Variants in SPAG16 observed in about 807,000 individuals in gnomAD.
SPAG16 encodes sperm-associated antigen 16 protein.
In SPAG16, 86 loss-of-function variants were observed where a neutral mutation model predicts 80.4. The observed-to-expected ratio is 1.07, with a 90% CI of 0.90 to 1.28. SPAG16 has a LOEUF of 1.28. SPAG16 is among the 50% of genes most tolerant of loss of function. The pLI, the probability that SPAG16 is intolerant of heterozygous loss-of-function variation, is 0.00. For missense variants in SPAG16, 870 were observed against 765.3 expected, an observed-to-expected ratio of 1.14 and a Z score of -1.61; for synonymous variants, 294 against 265.9, an observed-to-expected ratio of 1.11 and a Z score of -1.03.
intron 15 of SPAG16, among the ~76,000 whole-genome samples, chr2:214,165,234 A>G (rs1378794277): frequency 6.6e-6 from 1 of 152,054 alleles, no homozygotes; most frequent in African/African-American, 2.4e-5. Flanking sequence ...CTATTATATC[A>G]GTGAGAATTT....
rs576996284 is a variant in SPAG16 at position 213,810,798 on chromosome 2, G to A, written c.1071-51687G>A. Among the ~76,000 whole-genome samples the A allele has an allele frequency of 1.8e-4, 28 of 152,300 alleles. 1 individual carries two copies. Among genetic ancestry groups the A allele is most frequent in the African/African-American group, 6.3e-4 (26 of 41,572 alleles). The stretch of plus-strand genomic sequence containing the variant: ...TTTTGATATTGGTCTAAGTTATTTG[G>A]TTGCAGAACTGGCTGAGGGTCTCAG... On this transcript the variant is annotated intron_variant, in intron 10 of 15. Transcript: ENST00000331683.
At chr2:213,342,019 A>G (rs2064710462) in intron 6 of SPAG16, among the ~76,000 whole-genome samples, 1 of 152,098 alleles carries the variant, frequency 6.6e-6, no homozygotes, top group Non-Finnish European at 1.5e-5. Flanking sequence ...TCCTTGTTAT[A>G]TTCCAGTGAA....
At chr2:214,141,282 C>T (rs763807371) in intron 14 of SPAG16, among the ~76,000 whole-genome samples, 5 of 151,960 alleles carry the variant, frequency 3.3e-5, no homozygotes, top group African/African-American at 4.8e-5. Context: ...TCCTTGCCAA[C>T]ATGGTGAAAC....
chr2:213,521,086 G>A (rs1156427442), intron 10 of SPAG16, among the ~76,000 whole-genome samples: 1 of 152,088 alleles, frequency 6.6e-6, no homozygotes, highest in East Asian at 1.9e-4. Flanking sequence ...TGTGTGTGTG[G>A]ATTCAACCCA....
At chr2:213,451,341 C>T (rs182215510) in intron 9 of SPAG16, among the ~76,000 whole-genome samples, 118 of 152,162 alleles carry the variant, frequency 7.8e-4, no homozygotes, top group African/African-American at 2.7e-3. Context: ...GGTTCAGTTA[C>T]CATCTCTATA....
chr2:213,371,725 A>C (rs1464295716), intron 8 of SPAG16, among the ~76,000 whole-genome samples: 3 of 152,028 alleles, frequency 2.0e-5, no homozygotes, highest in Non-Finnish European at 4.4e-5. Flanking sequence ...ATTTAATCTA[A>C]ATTTAGGGAA....
intron 10 of SPAG16, among the ~76,000 whole-genome samples, chr2:213,494,697 A>G (rs2074405023): frequency 6.6e-6 from 1 of 152,226 alleles, no homozygotes; most frequent in Non-Finnish European, 1.5e-5. Context: ...CCTGCTTTAA[A>G]TACAATGATG....
chr2:214,282,425 C>G (rs2125915893), intron 15 of SPAG16, among the ~76,000 whole-genome samples: 1 of 152,026 alleles, frequency 6.6e-6, no homozygotes, highest in South Asian at 2.1e-4. Flanking sequence ...TTCAGTATTT[C>G]CTAAGATTAA....
At chr2:213,889,503 A>C (rs2076694252) in intron 11 of SPAG16, among the ~76,000 whole-genome samples, 1 of 151,402 alleles carries the variant, frequency 6.6e-6, no homozygotes, top group African/African-American at 2.4e-5. Context: ...AAGTTTTCTC[A>C]CTAAATATAT....
intron 10 of SPAG16, among the ~76,000 whole-genome samples, chr2:213,748,216 A>G (rs2067920895): frequency 6.6e-6 from 1 of 152,162 alleles, no homozygotes; most frequent in African/African-American, 2.4e-5. Context: ...TGTTTTCCTC[A>G]AGAATATTTT....
At chr2:213,711,526 CTT>C (rs1234929111) in intron 10 of SPAG16, among the ~76,000 whole-genome samples, 18 of 139,952 alleles carry the variant, frequency 1.3e-4, no homozygotes, top group Admixed American at 2.2e-4. Context: ...ATTTTCTTTC[CTT>C]TTTTTTTTTT....
intron 12 of SPAG16, among the ~76,000 whole-genome samples, chr2:213,957,431 G>A (rs532899051): frequency 9.3e-5 from 14 of 150,948 alleles, no homozygotes; most frequent in African/African-American, 1.7e-4. Flanking sequence ...TATAGCCATC[G>A]TTGCTTTATT....
chr2:213,829,778 A>G (rs1373100489), intron 10 of SPAG16, among the ~76,000 whole-genome samples: 1 of 152,084 alleles, frequency 6.6e-6, no homozygotes, highest in Non-Finnish European at 1.5e-5. Context: ...CTGGCCCAAG[A>G]TGTATCTAGA....
chr2:213,862,516 G>C lies in SPAG16; in HGVS notation c.1102G>C (p.Val368Leu). Reference sequence around the variant, plus strand: ...CATGCAACCCCACAAAGACATCCTAGTCTCCTGTGGCGAGGACCGACTCTG... The same window carrying C: ...CATGCAACCCCACAAAGACATCCTACTCTCCTGTGGCGAGGACCGACTCTG... ...VSMQPHKDILVSCGEDRLWKV... is the reference protein window; with the variant it reads ...VSMQPHKDILLSCGEDRLWKV... The change falls in exon 11 of 16, where the codon GTC becomes CTC. Residue 368 changes from valine to leucine, a missense_variant. Val to Leu is a conservative substitution (Grantham distance 32). Coordinates refer to ENST00000331683, the MANE Select transcript of SPAG16 (RefSeq NM_024532.5). 6.2e-7 allele frequency: 1 copy of C among 1,614,052 alleles called. No homozygotes were observed. Among genetic ancestry groups the C allele is most frequent in the Non-Finnish European group, 8.5e-7 (1 of 1,179,978 alleles).
intron 10 of SPAG16, among the ~76,000 whole-genome samples, chr2:213,676,903 G>A (rs1340716143): frequency 6.6e-6 from 1 of 151,020 alleles, no homozygotes; most frequent in Admixed American, 6.6e-5. Flanking sequence ...CTCATAAAAT[G>A]AGTTAGGGAG....
chr2:213,673,240 G>A lies in SPAG16; in HGVS notation c.1070+183150G>A, dbSNP rs76362168. On this transcript the variant is annotated intron_variant, in intron 10 of 15. Coordinates refer to ENST00000331683, the MANE Select transcript of SPAG16 (RefSeq NM_024532.5). ...GAATTAGCAATCATTAGGTTAAAGAGATATTTTAAGAATAGGAATTAATAT... is the reference window on the plus strand; with the variant it reads ...GAATTAGCAATCATTAGGTTAAAGAAATATTTTAAGAATAGGAATTAATAT... Among the ~76,000 whole-genome samples the A allele has an allele frequency of 2.9e-3, 435 of 152,064 alleles. 2 individuals are homozygous for A. Among genetic ancestry groups the A allele is most frequent in the African/African-American group, 1.0e-2 (414 of 41,490 alleles).
intron 9 of SPAG16, among the ~76,000 whole-genome samples, chr2:213,419,928 T>C (rs1403590088): frequency 6.6e-6 from 1 of 152,216 alleles, no homozygotes; most frequent in Non-Finnish European, 1.5e-5. Context: ...ACCAGTTATA[T>C]GTAGTTATCT....
chr2:214,210,478 T>C (rs2058262505), intron 15 of SPAG16, among the ~76,000 whole-genome samples: 1 of 152,168 alleles, frequency 6.6e-6, no homozygotes, highest in Non-Finnish European at 1.5e-5. Context: ...AAGATATTAG[T>C]AGTCAAGTTT....
chr2:213,708,598 C>A (rs2065853313), intron 10 of SPAG16, among the ~76,000 whole-genome samples: 2 of 152,100 alleles, frequency 1.3e-5, no homozygotes, highest in Admixed American at 1.3e-4. Context: ...TCAAGATCAG[C>A]CTGGCAAACA....
Sources: gnomAD v4.1 joint callset for allele counts (sites outside exome capture counted in the v4.1 genomes callset) on GRCh38, gnomAD v4.1.1 for gene constraint, MANE v1.5 for transcripts, NCBI Gene and HGNC (gene_info 2026-07-23, HGNC 2026-07-21) for gene names.